SGCZ: variants seen among roughly 807,000 people sequenced by gnomAD.
The protein encoded by SGCZ is zeta-sarcoglycan.
A neutral mutation model predicts 41.3 loss-of-function variants in SGCZ; 40 were observed. The ratio of observed to expected loss-of-function variants is 0.97; its 90% CI spans 0.75 to 1.26. The LOEUF (loss-of-function observed/expected upper bound fraction) is 1.26. Among genes scored for constraint, SGCZ ranks in the 50% most tolerant of loss-of-function variants. The pLI, the probability that SGCZ is intolerant of heterozygous loss-of-function variation, is 0.00. For missense variants in SGCZ, 552 were observed against 369.8 expected (o/e 1.49, Z -4.04); for synonymous variants, 206 against 137.5 (o/e 1.50, Z -3.49).
chr8:15,076,346 A>T (rs1243585284), intron 1 of SGCZ, among the ~76,000 whole-genome samples: 2 of 152,156 alleles, frequency 1.3e-5, no homozygotes, highest in African/African-American at 4.8e-5. Flanking sequence ...TTGAAGCGAG[A>T]CAGAGCAAGG....
chr8:14,515,150 C>G (rs1204437796), intron 2 of SGCZ, among the ~76,000 whole-genome samples: 2 of 151,970 alleles, frequency 1.3e-5, no homozygotes, highest in African/African-American at 4.8e-5. Context: ...TGCTCCCTGA[C>G]TGCATTACCA....
intron 2 of SGCZ, among the ~76,000 whole-genome samples, chr8:14,380,200 A>G (rs1397238618): frequency 6.6e-6 from 1 of 152,180 alleles, no homozygotes; most frequent in Non-Finnish European, 1.5e-5. Context: ...TCACATGTCA[A>G]CTTATTTGTG....
chr8:14,216,073 C>T (rs888411311), intron 4 of SGCZ, among the ~76,000 whole-genome samples: 2 of 152,232 alleles, frequency 1.3e-5, no homozygotes, highest in African/African-American at 2.4e-5. Context: ...GGCTTTGAAT[C>T]AACACATTTG....
chr8:15,023,339 T>C (rs1474493934), intron 1 of SGCZ, among the ~76,000 whole-genome samples: 1 of 152,126 alleles, frequency 6.6e-6, no homozygotes, highest in Non-Finnish European at 1.5e-5. Context: ...CCGTGAAACC[T>C]GCTTCCCAAG....
At chr8:15,147,407 T>G (rs185322494) in intron 1 of SGCZ, among the ~76,000 whole-genome samples, 1 of 152,030 alleles carries the variant, frequency 6.6e-6, no homozygotes, top group Admixed American at 6.6e-5. Flanking sequence ...GCCTCCCGAG[T>G]AACTGGGATT....
chr8:14,274,073 T>C (rs537443113), intron 3 of SGCZ, among the ~76,000 whole-genome samples: 10 of 152,158 alleles, frequency 6.6e-5, no homozygotes, highest in Non-Finnish European at 1.3e-4. Flanking sequence ...CCCTGTTACA[T>C]GTATTCTAAT....
chr8:14,810,617 C>T (rs1017758287), intron 1 of SGCZ, among the ~76,000 whole-genome samples: 8 of 152,130 alleles, frequency 5.3e-5, no homozygotes, highest in Admixed American at 3.3e-4. Context: ...TAAACAACAT[C>T]AGTTCATTGG....
chr8:14,610,750 C>A (rs1326302165), intron 1 of SGCZ, among the ~76,000 whole-genome samples: 2 of 152,060 alleles, frequency 1.3e-5, no homozygotes, highest in Non-Finnish European at 2.9e-5. Flanking sequence ...ACAGACACTG[C>A]CTCAAGGAGA....
chr8:14,629,064 C>T (rs148340682), intron 1 of SGCZ, among the ~76,000 whole-genome samples: 5 of 152,180 alleles, frequency 3.3e-5, no homozygotes, highest in African/African-American at 1.2e-4. Flanking sequence ...AAGAATTTGA[C>T]CAGATTTGGG....
intron 5 of SGCZ, among the ~76,000 whole-genome samples, chr8:14,159,391 T>C (rs957047645): frequency 1.3e-5 from 2 of 152,180 alleles, no homozygotes; most frequent in Non-Finnish European, 2.9e-5. Flanking sequence ...AAATAAATCA[T>C]GAAGAGGACC....
At chr8:14,974,509 G>C (rs1199925347) in intron 1 of SGCZ, among the ~76,000 whole-genome samples, 2 of 152,092 alleles carry the variant, frequency 1.3e-5, no homozygotes, top group African/African-American at 4.8e-5. Context: ...TTCCCAAACT[G>C]GCCATGCATT....
chr8:14,233,118 C>A (rs1350580356), intron 4 of SGCZ, among the ~76,000 whole-genome samples: 2 of 151,980 alleles, frequency 1.3e-5, no homozygotes, highest in Non-Finnish European at 2.9e-5. Context: ...ACAAAGCTAG[C>A]TCTACCAGTT....
chr8:14,700,627 A>T (rs1809105104), intron 1 of SGCZ, among the ~76,000 whole-genome samples: 1 of 152,008 alleles, frequency 6.6e-6, no homozygotes, highest in Non-Finnish European at 1.5e-5. Context: ...TGATTCAAAA[A>T]TCAACCTTTT....
intron 1 of SGCZ, among the ~76,000 whole-genome samples, chr8:14,828,186 T>C (rs896300915): frequency 1.3e-5 from 2 of 152,170 alleles, no homozygotes; most frequent in African/African-American, 4.8e-5. Flanking sequence ...AAAAAGTTTA[T>C]GGGAGCAATG....
intron 1 of SGCZ, among the ~76,000 whole-genome samples, chr8:14,871,569 G>T (rs1447299523): frequency 1.3e-5 from 2 of 152,128 alleles, no homozygotes; most frequent in South Asian, 2.1e-4. Flanking sequence ...ATTTTGGGAG[G>T]CTAAGATGGG....
chr8:14,344,024 G>A (rs1183663077), intron 2 of SGCZ, among the ~76,000 whole-genome samples: 1 of 151,992 alleles, frequency 6.6e-6, no homozygotes, highest in East Asian at 1.9e-4. Context: ...TGCAATCCAC[G>A]AAAAAGAATT....
chr8:14,107,932 C>A (rs866640797), intron 6 of SGCZ, among the ~76,000 whole-genome samples: 1 of 152,118 alleles, frequency 6.6e-6, no homozygotes, highest in South Asian at 2.1e-4. Flanking sequence ...TGTGAGCCAC[C>A]GTGCCCGGCC....
chr8:14,779,018 A>G lies in SGCZ; in HGVS notation c.40-224092T>C, dbSNP rs535676314. On this transcript the variant is annotated intron_variant, in intron 1 of 7. Transcript: ENST00000382080. ...ATGCATATACAAGGAAATATGTACA[A>G]TACTATCCACACCAGTACTGTTAAC... Among the ~76,000 whole-genome samples, 111 of 152,336 alleles carry G rather than the reference A, an allele frequency of 7.3e-4. 2 individuals carry two copies. The South Asian group carries it at 0.023, about 31-fold the overall frequency.
Position 14,797,332 on chromosome 8 carries a change from G to A in SGCZ, c.40-242406C>T, listed in dbSNP as rs1456262687. Among the ~76,000 whole-genome samples the A allele has an allele frequency of 8.5e-5, 13 of 152,268 alleles. No homozygotes were observed. In the East Asian group the frequency reaches 2.5e-3, roughly 30 times the overall value. ...CAGTGATATGGACAATGAAGCCCAA[G>A]CTGAGATGGTCTCAGATGGAGACGA... On this transcript the variant is annotated intron_variant, in intron 1 of 7. Coordinates refer to ENST00000382080, the MANE Select transcript of SGCZ (RefSeq NM_139167.4).
Sources: gnomAD v4.1 joint callset for allele counts (sites outside exome capture counted in the v4.1 genomes callset) on GRCh38, gnomAD v4.1.1 for gene constraint, MANE v1.5 for transcripts, NCBI Gene and HGNC (gene_info 2026-07-23, HGNC 2026-07-21) for gene names.